The following GLI3 variants were observed in gnomAD, a reference collection of about 807,000 sequenced individuals.
The protein encoded by GLI3 is GLI family zinc finger 3, also known as transcription activator GLI3.
In GLI3, 20 loss-of-function variants were observed where a neutral mutation model predicts 100.8. The observed-to-expected ratio is 0.20, with a 90% confidence interval of 0.14 to 0.29. The LOEUF is 0.29. Ranked by LOEUF, GLI3 falls within the 10% of genes least tolerant of loss-of-function variation. The pLI, the probability that GLI3 is intolerant of heterozygous loss-of-function variation, is 1.00. For synonymous variants in GLI3, 938 were observed against 860.5 expected (o/e 1.09, Z -1.58); for missense variants, 2,040 against 2,128.5 (o/e 0.96, Z 0.82).
At chr7:42,005,005 G>A (rs1482246096) in intron 10 of GLI3, among the ~76,000 whole-genome samples, 1 of 152,110 alleles carries the variant, frequency 6.6e-6, no homozygotes, top group African/African-American at 2.4e-5. Flanking sequence ...AAAAAGAGTG[G>A]TGAGAAAAAC....
rs2128777279 is a variant in GLI3 at position 42,131,644 on chromosome 7, C to T, written c.367+16582G>A. Among the ~76,000 whole-genome samples the T allele has an allele frequency of 1.3e-5, 2 of 152,188 alleles. 1 individual carries two copies. Among genetic ancestry groups the T allele is most frequent in the South Asian group, 4.2e-4 (2 of 4,810 alleles). Reference sequence around the variant, plus strand: ...GGTTATGATAGTAAGACCCCACAAACATATTAACAACCCTGACACTATAAT... The same window carrying T: ...GGTTATGATAGTAAGACCCCACAAATATATTAACAACCCTGACACTATAAT... On this transcript the variant is annotated intron_variant, in intron 3 of 14. Coordinates refer to ENST00000395925, the MANE Select transcript of GLI3 (RefSeq NM_000168.6).
intron 1 of GLI3, among the ~76,000 whole-genome samples, chr7:42,243,382 C>T (rs1462109139): frequency 6.6e-6 from 1 of 152,142 alleles, no homozygotes; most frequent in Non-Finnish European, 1.5e-5. Context: ...CTCTCTTTGT[C>T]CATTGTGTGT....
In GLI3 at chr7:41,961,332, A is replaced by G. The variant is rs1306194266; in HGVS notation, c.*2998T>C. ...CTATCAGTTCAAAACAACACATGAA[A>G]CCAGGATACAAGACAGCCTCGACTC... On this transcript the variant is annotated 3_prime_UTR_variant, in exon 15 of 15. Transcript: ENST00000395925. 1 of 152,504 alleles carries G rather than the reference A, an allele frequency of 6.6e-6. No individual in the cohort carries two copies. Among genetic ancestry groups the G allele is most frequent in the East Asian group, 1.9e-4 (1 of 5,190 alleles). The allele number at this position is 152,504 out of a possible 1,614,324, so 9.4% of individuals were successfully genotyped here.
At chr7:41,978,479 T>C in intron 11 of GLI3, 120 bp downstream of exon 11, 1 of 927,810 alleles carries the variant, frequency 1.1e-6, no homozygotes, top group Non-Finnish European at 1.8e-6. Flanking sequence ...CAGACAATAC[T>C]CTAGTCCTCT....
chr7:42,055,106 T>TATATATAC (rs1491173762), intron 4 of GLI3, among the ~76,000 whole-genome samples: 2 of 138,644 alleles, frequency 1.4e-5, no homozygotes, highest in African/African-American at 5.7e-5. Context: ...CACATATATG[T>TATATATAC]ATATATACAC....
rs183853326 is a variant in GLI3, at chr7:41,962,707, T to C, written c.*1623A>G. The C allele has an allele frequency of 4.1e-4, 62 of 152,336 alleles. No individual in the cohort carries two copies. The highest frequency in any genetic ancestry group is 6.8e-3 in the Middle Eastern group (2 of 294). The allele number at this position is 152,336 out of a possible 1,614,324, so 9.4% of individuals were successfully genotyped here. A position where few individuals can be genotyped will look rare whatever the true frequency, so the allele number is the denominator to read the frequency against. ...TGGGCTGGTCTTAACACTCTTTCTA[T>C]TATCTAACACTTTATTTTACTTGAT... On this transcript the variant is annotated 3_prime_UTR_variant, in exon 15 of 15. Coordinates refer to ENST00000395925, the MANE Select transcript of GLI3 (RefSeq NM_000168.6).
At chr7:42,139,003 C>G (rs1230610079) in intron 3 of GLI3, among the ~76,000 whole-genome samples, 2 of 152,176 alleles carry the variant, frequency 1.3e-5, no homozygotes, top group African/African-American at 4.8e-5. Context: ...TAATGCCAGT[C>G]TTTGTTCTCA....
chr7:42,002,101 T>A lies in GLI3; in HGVS notation c.1497+21367A>T, dbSNP rs111458876. Among the ~76,000 whole-genome samples the A allele has an allele frequency of 2.9e-3, 433 of 151,428 alleles. 6 individuals are homozygous for A. Among genetic ancestry groups the A allele is most frequent in the African/African-American group, 9.1e-3 (377 of 41,362 alleles). ...ACGCACACACACACACGTGTGCAAA[T>A]AAAGGGAAGAATTGAGAGGGCACAC... On this transcript the variant is annotated intron_variant, in intron 10 of 14. Transcript: ENST00000395925.
chr7:42,237,908 CG>C (rs1788854629), upstream of GLI3: 1 of 146,448 alleles, frequency 6.8e-6, no homozygotes, highest in Non-Finnish European at 1.5e-5. Flanking sequence ...CGGCGCGTCG[CG>C]GGCCGGGGTC....
intron 2 of GLI3, among the ~76,000 whole-genome samples, chr7:42,161,507 C>T (rs1320005521): frequency 6.6e-6 from 1 of 152,196 alleles, no homozygotes; most frequent in Non-Finnish European, 1.5e-5. Flanking sequence ...CTATGAAACA[C>T]ACCTAGGAAA....
At chr7:42,147,024 C>T (rs1562757071) in intron 3 of GLI3, among the ~76,000 whole-genome samples, 2 of 152,094 alleles carry the variant, frequency 1.3e-5, no homozygotes, top group Non-Finnish European at 1.5e-5. Context: ...AACTACCCTC[C>T]GTGCTTCTGA....
At chr7:42,180,155 G>A (rs972502767) in intron 2 of GLI3, among the ~76,000 whole-genome samples, 6 of 152,088 alleles carry the variant, frequency 3.9e-5, no homozygotes, top group Non-Finnish European at 5.9e-5. Context: ...TGGTGGGGGC[G>A]GAGGACAACA....
rs1400262991 is a variant in GLI3, at chr7:41,962,692, T to A, written c.*1638A>T. On this transcript the variant is annotated 3_prime_UTR_variant, in exon 15 of 15. Coordinates refer to ENST00000395925, the MANE Select transcript of GLI3 (RefSeq NM_000168.6). ...TAAACATGAGAAAAGTGGGCTGGTC[T>A]TAACACTCTTTCTATTATCTAACAC... 1 of 152,208 alleles carries A rather than the reference T, an allele frequency of 6.6e-6. No homozygotes were observed. Among genetic ancestry groups the A allele is most frequent in the Admixed American group, 6.5e-5 (1 of 15,282 alleles). The allele number at this position is 152,208 out of a possible 1,614,324, so 9.4% of individuals were successfully genotyped here. A position where few individuals can be genotyped will look rare whatever the true frequency, so the allele number is the denominator to read the frequency against.
At position 42,023,489 on chromosome 7, in the gene GLI3, G is replaced by A; in HGVS notation, c.1476C>T (p.Asp492=). Residue 492 remains aspartate, a synonymous_variant, in exon 10 of 15, where the codon GAC becomes GAT. Transcript: ENST00000395925. ...CHWEGCAREF[D]TQEQLVHHIN... is the part of the protein sequence containing the mutation. Reference sequence around the variant, plus strand: ...TTACGTGCACAAGCTGCTCTTGGGTGTCGAACTCCCTCGCGCAGCCTTCCC... The same window carrying A: ...TTACGTGCACAAGCTGCTCTTGGGTATCGAACTCCCTCGCGCAGCCTTCCC... The A allele has an allele frequency of 6.2e-7, 1 of 1,614,188 alleles. No individual in the cohort carries two copies. The highest frequency in any genetic ancestry group is 8.5e-7 in the Non-Finnish European group (1 of 1,180,030).
rs934013222 is a variant in GLI3, at chr7:41,962,689, G to C, written c.*1641C>G. The C allele has an allele frequency of 6.6e-6, 1 of 152,034 alleles. No individual in the cohort carries two copies. Among genetic ancestry groups the C allele is most frequent in the Non-Finnish European group, 1.5e-5 (1 of 68,016 alleles). The allele number at this position is 152,034 out of a possible 1,614,324, so 9.4% of individuals were successfully genotyped here. On this transcript the variant is annotated 3_prime_UTR_variant, in exon 15 of 15. Transcript: ENST00000395925. ...ACATAAACATGAGAAAAGTGGGCTG[G>C]TCTTAACACTCTTTCTATTATCTAA...
chr7:42,010,183 A>ACCTGCTCCTGTGCCT (rs1431700806), intron 10 of GLI3, among the ~76,000 whole-genome samples: 1 of 152,160 alleles, frequency 6.6e-6, no homozygotes, highest in Non-Finnish European at 1.5e-5. Flanking sequence ...TGACACTCGG[A>ACCTGCTCCTGTGCCT]GCTGCTCCTG....
intron 2 of GLI3, among the ~76,000 whole-genome samples, chr7:42,219,888 C>T (rs1437741263): frequency 2.2e-5 from 3 of 139,524 alleles, no homozygotes; most frequent in African/African-American, 2.7e-5. Flanking sequence ...GAGTCTCGTT[C>T]TGTCGCCCAG....
intron 10 of GLI3, among the ~76,000 whole-genome samples, chr7:41,996,677 A>G (rs1408345164): frequency 6.6e-6 from 1 of 152,184 alleles, no homozygotes; most frequent in Non-Finnish European, 1.5e-5. Flanking sequence ...CAGCATGACA[A>G]TGCTTTTAAT....
chr7:42,067,387 A>T (rs766255718), intron 4 of GLI3, among the ~76,000 whole-genome samples: 39 of 152,184 alleles, frequency 2.6e-4, no homozygotes, highest in South Asian at 8.3e-4. Flanking sequence ...TAAAAATGTA[A>T]AGCATATTCA....
Sources: gnomAD v4.1 joint callset for allele counts (sites outside exome capture counted in the v4.1 genomes callset) on GRCh38, gnomAD v4.1.1 for gene constraint, MANE v1.5 for transcripts, NCBI Gene and HGNC (gene_info 2026-07-23, HGNC 2026-07-21) for gene names.